Variants in MAMDC2 observed in about 807,000 individuals in gnomAD.
MAMDC2 encodes MAM domain-containing protein 2.
In MAMDC2, 57 loss-of-function variants were observed where a neutral mutation model predicts 89.8. The ratio of observed to expected loss-of-function variants is 0.63; its 90% confidence interval spans 0.51 to 0.79. The LOEUF (loss-of-function observed/expected upper bound fraction) is 0.79, where lower values mean the gene tolerates loss of function less well. Ranked by LOEUF, MAMDC2 falls within the 30% of genes least tolerant of loss-of-function variation. MAMDC2 has a pLI of 0.00. For missense variants in MAMDC2, 800 were observed against 820.6 expected (o/e 0.97, Z 0.31); for synonymous variants, 313 against 293.4 (o/e 1.07, Z -0.68).
chr9:70,146,839 A>C (rs1029843180), intron 9 of MAMDC2, among the ~76,000 whole-genome samples: 1 of 152,046 alleles, frequency 6.6e-6, no homozygotes, highest in Non-Finnish European at 1.5e-5. Context: ...TGAGGCTGAG[A>C]CAGGAGAGTC....
At chr9:70,205,028 C>G (rs554222911) in intron 11 of MAMDC2, among the ~76,000 whole-genome samples, 1 of 152,228 alleles carries the variant, frequency 6.6e-6, no homozygotes, top group Non-Finnish European at 1.5e-5. Context: ...GCCTCGCTCA[C>G]GCTGGGAGCT....
At chr9:70,210,738 C>T (rs1193395936) in intron 11 of MAMDC2, among the ~76,000 whole-genome samples, 1 of 152,142 alleles carries the variant, frequency 6.6e-6, no homozygotes, top group African/African-American at 2.4e-5. Flanking sequence ...ATGGTCTTTA[C>T]AATTTGGCAT....
intron 11 of MAMDC2, among the ~76,000 whole-genome samples, chr9:70,180,490 A>C (rs1229950288): frequency 2.0e-5 from 3 of 150,994 alleles, no homozygotes; most frequent in African/African-American, 7.2e-5. Flanking sequence ...ACAGTGTAAA[A>C]GCATTCCTAT....
intron 2 of MAMDC2, among the ~76,000 whole-genome samples, chr9:70,058,445 A>G (rs1036011051): frequency 1.4e-4 from 22 of 152,224 alleles, no homozygotes; most frequent in Non-Finnish European, 1.8e-4. Flanking sequence ...TAGTTATAAA[A>G]ATAGATAACC....
intron 2 of MAMDC2, among the ~76,000 whole-genome samples, chr9:70,067,313 C>G (rs1003691526): frequency 2.0e-5 from 3 of 152,124 alleles, no homozygotes; most frequent in African/African-American, 4.8e-5. Flanking sequence ...ATAAGCCCTT[C>G]AGTCCTGAAG....
In MAMDC2 at chr9:70,126,327, T is replaced by C; in HGVS notation, c.812T>C (p.Leu271Pro). The change falls in exon 6 of 14, where the codon CTT becomes CCT. Residue 271 changes from leucine to proline, a missense_variant. Coordinates refer to ENST00000377182, the MANE Select transcript of MAMDC2 (RefSeq NM_153267.5). ...FSLYTRDVAG[L>P]YEEIWKADRP... is the part of the protein sequence containing the mutation. ...CTTTACACTCGGGATGTGGCTGGCC[T>C]TTACGAGGAAATCTGGAAAGCAGAC... 3.1e-6 allele frequency: 5 copies of C among 1,614,144 alleles called. No individual in the cohort carries two copies. The highest frequency in any genetic ancestry group is 3.4e-6 in the Non-Finnish European group (4 of 1,180,022).
At chr9:70,114,023 G>A (rs1450564898) in intron 5 of MAMDC2, among the ~76,000 whole-genome samples, 2 of 151,552 alleles carry the variant, frequency 1.3e-5, no homozygotes, top group African/African-American at 4.9e-5. Context: ...ACCTTTTATG[G>A]TTCTTACCAT....
intron 2 of MAMDC2, among the ~76,000 whole-genome samples, chr9:70,056,104 T>C (rs1448043338): frequency 6.6e-6 from 1 of 152,234 alleles, no homozygotes; most frequent in African/African-American, 2.4e-5. Flanking sequence ...GCTATGCTTA[T>C]AAAGAGGATG....
chr9:70,083,579 A>G (rs1395699000), intron 2 of MAMDC2: 1 of 152,098 alleles, frequency 6.6e-6, no homozygotes, highest in Non-Finnish European at 1.5e-5. Flanking sequence ...GTAACTGAAG[A>G]GAAGGATGGC....
chr9:70,219,646 T>C (rs2033520618), intron 12 of MAMDC2, among the ~76,000 whole-genome samples: 1 of 152,152 alleles, frequency 6.6e-6, no homozygotes, highest in Non-Finnish European at 1.5e-5. Flanking sequence ...AAAGAGCAAA[T>C]GACAGGGAAG....
At position 70,126,368 on chromosome 9, in the gene MAMDC2, G is replaced by A. The variant is rs766530375; in HGVS notation, c.853G>A (p.Ala285Thr). 1.9e-6 allele frequency: 3 copies of A among 1,614,096 alleles called. No homozygotes were observed. ...GAAAGCAGACAGGCCAGGGAATGCT[G>A]CCTGGAACCTTGCGGAGGTCGAGTT... ...IWKADRPGNA[A>T]WNLAEVEFSA... The change falls in exon 6 of 14, where the codon GCC (alanine) becomes ACC (threonine). Residue 285 changes from alanine (A) to threonine (T), a missense_variant. Coordinates refer to ENST00000377182, the MANE Select transcript of MAMDC2 (RefSeq NM_153267.5).
chr9:70,212,118 A>G (rs1171307712), intron 11 of MAMDC2, among the ~76,000 whole-genome samples: 2 of 152,358 alleles, frequency 1.3e-5, no homozygotes, highest in East Asian at 1.9e-4. Context: ...TCAGATCTCA[A>G]ACTCCATGCT....
chr9:70,048,601 G>T (rs369430849), intron 2 of MAMDC2, among the ~76,000 whole-genome samples: 3 of 152,076 alleles, frequency 2.0e-5, no homozygotes, highest in Non-Finnish European at 2.9e-5. Context: ...GCCCAGCCAG[G>T]GTTCTGTTTT....
intron 11 of MAMDC2, among the ~76,000 whole-genome samples, chr9:70,214,820 A>G (rs913607982): frequency 5.9e-5 from 9 of 152,176 alleles, no homozygotes; most frequent in African/African-American, 2.2e-4. Context: ...TCAGAAAAAG[A>G]GAGTAGTGGT....
intron 9 of MAMDC2, among the ~76,000 whole-genome samples, chr9:70,160,615 C>T (rs570210001): frequency 1.5e-4 from 23 of 150,646 alleles, no homozygotes; most frequent in Middle Eastern, 3.4e-3. Flanking sequence ...ATGTGGATGT[C>T]GGAGAAGCTG....
At chr9:70,220,536 T>C (rs936475641) in intron 12 of MAMDC2, among the ~76,000 whole-genome samples, 4 of 152,204 alleles carry the variant, frequency 2.6e-5, no homozygotes, top group Non-Finnish European at 5.9e-5. Flanking sequence ...GATATACTCA[T>C]GTGCACATAG....
chr9:70,221,356 A>T (rs1191749356), intron 12 of MAMDC2, among the ~76,000 whole-genome samples: 1 of 9,422 alleles, frequency 1.1e-4, no homozygotes, highest in Non-Finnish European at 2.0e-4. Context: ...CCAAACAACA[A>T]ATATATATAT....
intron 11 of MAMDC2, among the ~76,000 whole-genome samples, chr9:70,197,711 T>G (rs2033000670): frequency 6.6e-6 from 1 of 152,164 alleles, no homozygotes; most frequent in East Asian, 1.9e-4. Flanking sequence ...CTTCCAAAAG[T>G]TTTTGGCAAA....
At chr9:70,216,344 T>C (rs1490473374) in intron 11 of MAMDC2, 1 of 152,178 alleles carries the variant, frequency 6.6e-6, no homozygotes, top group Non-Finnish European at 1.5e-5. Flanking sequence ...TTTCAGTTCC[T>C]GGTGAGGGCT....
Sources: allele counts gnomAD v4.1 joint callset (sites outside exome capture counted in the v4.1 genomes callset), GRCh38; gene constraint gnomAD v4.1.1; transcripts MANE v1.5; gene names NCBI Gene and HGNC (gene_info 2026-07-23, HGNC 2026-07-21).